The following SMARCC1 variants were observed in gnomAD, a reference collection of about 807,000 sequenced individuals.
SMARCC1 encodes the protein SWI/SNF related BAF chromatin remodeling complex subunit C1.
In SMARCC1, 43 loss-of-function variants were observed where a neutral mutation model predicts 147.4. The observed-to-expected ratio is 0.29, with a 90% CI of 0.23 to 0.38. SMARCC1 has a LOEUF of 0.38. Among genes scored for constraint, SMARCC1 ranks in the 10% least tolerant of loss-of-function variants. SMARCC1 has a pLI of 1.00. For missense variants in SMARCC1, 1,119 were observed against 1,381.1 expected, an observed-to-expected ratio of 0.81 and a Z score of 3.01; for synonymous variants, 495 against 484.4, an observed-to-expected ratio of 1.02 and a Z score of -0.29.
Position 47,710,720 on chromosome 3 carries a change from A to G in SMARCC1, c.881T>C (p.Val294Ala), listed in dbSNP as rs773113819. ...GGTTGAAATCCGCTGACGAAAACTC[A>G]CAGGCTTCCTATTTTCATCCACCTC... Reference protein sequence around the residue: ...DYEVDENRKPVSFRQRISTKN... With the variant: ...DYEVDENRKPASFRQRISTKN... The change falls in exon 9 of 28, where the codon GTG becomes GCG. Residue 294 changes from valine (V) to alanine (A), a missense_variant. Coordinates refer to ENST00000254480, the MANE Select transcript of SMARCC1 (RefSeq NM_003074.4). 6.2e-7 allele frequency: 1 copy of G among 1,613,774 alleles called. No individual in the cohort carries two copies. The highest frequency in any genetic ancestry group is 2.2e-5 in the East Asian group (1 of 44,856).
chr3:47,618,125 G>C (rs867927714), intron 25 of SMARCC1, among the ~76,000 whole-genome samples: 1 of 152,124 alleles, frequency 6.6e-6, no homozygotes, highest in South Asian at 2.1e-4. Context: ...AATTCAAGCA[G>C]AGCAGCGTTG....
intron 3 of SMARCC1, among the ~76,000 whole-genome samples, chr3:47,743,618 G>A (rs2034534118): frequency 6.6e-6 from 1 of 151,872 alleles, no homozygotes; most frequent in Non-Finnish European, 1.5e-5. Context: ...TTCAAGACCA[G>A]CCTGGCCAAC....
At chr3:47,733,081 G>A (rs2034395120) in intron 5 of SMARCC1, among the ~76,000 whole-genome samples, 1 of 152,020 alleles carries the variant, frequency 6.6e-6, no homozygotes, top group African/African-American at 2.4e-5. Context: ...CGCTCCAGCT[G>A]GGCGACAGAG....
At chr3:47,670,288 G>C (rs1486202608) in intron 19 of SMARCC1, 1 of 219,758 alleles carries the variant, frequency 4.6e-6, no homozygotes, top group Non-Finnish European at 8.9e-6. Context: ...GAATACTATA[G>C]GTGAGTTTAA....
At chr3:47,772,417 T>C (rs1300960179) in intron 2 of SMARCC1, among the ~76,000 whole-genome samples, 3 of 152,034 alleles carry the variant, frequency 2.0e-5, no homozygotes, top group South Asian at 4.1e-4. Context: ...AAACACACAA[T>C]TGCAAGGACA....
intron 21 of SMARCC1, among the ~76,000 whole-genome samples, chr3:47,655,413 T>C (rs986107212): frequency 3.3e-5 from 5 of 151,284 alleles, no homozygotes; most frequent in African/African-American, 9.7e-5. Context: ...AAAATAATAA[T>C]AGGCCAGGCA....
At chr3:47,636,272 G>C (rs2032967516) in intron 22 of SMARCC1, 136 bp from the exon 23 acceptor site, 1 of 603,356 alleles carries the variant, frequency 1.7e-6, no homozygotes, top group African/African-American at 1.9e-5. Context: ...GTGACTTGTA[G>C]AGAACAGCTC....
intron 10 of SMARCC1, among the ~76,000 whole-genome samples, chr3:47,703,122 CGG>C (rs1386376686): frequency 6.6e-6 from 1 of 151,904 alleles, no homozygotes; most frequent in Non-Finnish European, 1.5e-5. Context: ...TTAGTAGAGA[CGG>C]GGTTTCACCA....
chr3:47,613,908 C>T (rs757693958), intron 25 of SMARCC1, among the ~76,000 whole-genome samples: 5 of 151,004 alleles, frequency 3.3e-5, no homozygotes, highest in Admixed American at 6.6e-5. Context: ...AGACACCAAA[C>T]GCAGACACAG....
chr3:47,648,189 TTC>T (rs2033142869), intron 21 of SMARCC1, among the ~76,000 whole-genome samples: 1 of 151,958 alleles, frequency 6.6e-6, no homozygotes, highest in Non-Finnish European at 1.5e-5. Flanking sequence ...GAGACAGGGT[TTC>T]ACCATGTTGT....
intron 2 of SMARCC1, among the ~76,000 whole-genome samples, chr3:47,768,058 T>G (rs904965344): frequency 6.6e-6 from 1 of 152,018 alleles, no homozygotes; most frequent in Admixed American, 6.6e-5. Context: ...CAGGCTAGTT[T>G]CAAACTCCTG....
At chr3:47,595,322 C>T (rs1035199930) in intron 26 of SMARCC1, among the ~76,000 whole-genome samples, 17 of 152,040 alleles carry the variant, frequency 1.1e-4, no homozygotes, top group African/African-American at 3.6e-4. Context: ...GTCAGGAGTT[C>T]GAGACCAGCC....
chr3:47,683,999 T>C (rs1270676432), intron 14 of SMARCC1, among the ~76,000 whole-genome samples: 1 of 151,728 alleles, frequency 6.6e-6, no homozygotes, highest in Non-Finnish European at 1.5e-5. Context: ...ACGCCTGTAA[T>C]CCCAGCACTT....
intron 21 of SMARCC1, among the ~76,000 whole-genome samples, chr3:47,640,324 A>C (rs143196439): frequency 4.7e-4 from 72 of 152,206 alleles, no homozygotes; most frequent in Non-Finnish European, 7.5e-4. Flanking sequence ...TGGTTCTTTC[A>C]AATGATGAAT....
chr3:47,682,828 T>C (rs2033671712), intron 14 of SMARCC1, among the ~76,000 whole-genome samples: 1 of 152,172 alleles, frequency 6.6e-6, no homozygotes, highest in Non-Finnish European at 1.5e-5. Flanking sequence ...AAACATAATT[T>C]TATTGTGAGC....
chr3:47,703,492 T>G (rs1310917183), intron 10 of SMARCC1, among the ~76,000 whole-genome samples: 2 of 152,146 alleles, frequency 1.3e-5, no homozygotes, highest in Non-Finnish European at 2.9e-5. Flanking sequence ...AGCAAGATCT[T>G]GTCTGGCAAA....
At chr3:47,765,178 G>C (rs1170571765) in intron 2 of SMARCC1, among the ~76,000 whole-genome samples, 2 of 152,118 alleles carry the variant, frequency 1.3e-5, no homozygotes, top group Non-Finnish European at 2.9e-5. Flanking sequence ...TTGAACTCGG[G>C]AGGCAGAGGT....
chr3:47,738,012 C>G lies in SMARCC1; in HGVS notation c.483+17G>C, dbSNP rs1197470453. ...ATTAAAGGTAAACTTTTTAAATAAC[C>G]TAAGTTTCCAAGTTACCTGCACCAA... On this transcript the variant is annotated intron_variant, in intron 4 of 27. Coordinates refer to ENST00000254480, the MANE Select transcript of SMARCC1 (RefSeq NM_003074.4). 1 of 1,558,648 alleles carries G rather than the reference C, an allele frequency of 6.4e-7. No homozygotes were observed. Among genetic ancestry groups the G allele is most frequent in the Non-Finnish European group, 8.7e-7 (1 of 1,146,126 alleles).
rs1358563326 is a variant in SMARCC1, at chr3:47,701,361, T to C, written c.1082A>G (p.Glu361Gly). Reference protein sequence around the residue: ...LYGKRRSQKEEDEQEDLTKDM... With the variant: ...LYGKRRSQKEGDEQEDLTKDM... ...CTTGGTTAGATCTTCTTGCTCATCT[T>C]CCTCTTTCTGACTTCTGCGCTTCCC... is the stretch of plus-strand genomic sequence containing the variant. The change falls in exon 11 of 28, where the codon GAA becomes GGA. Residue 361 changes from glutamate to glycine, a missense_variant. Transcript: ENST00000254480. 3.1e-6 allele frequency: 5 copies of C among 1,613,704 alleles called. No homozygotes were observed. The highest frequency in any genetic ancestry group is 4.2e-6 in the Non-Finnish European group (5 of 1,179,594).
Sources: allele counts gnomAD v4.1 joint callset (sites outside exome capture counted in the v4.1 genomes callset), GRCh38; gene constraint gnomAD v4.1.1; transcripts MANE v1.5; gene names NCBI Gene and HGNC (gene_info 2026-07-23, HGNC 2026-07-21).